RAF1: variants seen among roughly 807,000 people sequenced by gnomAD.
RAF1 encodes RAF proto-oncogene serine/threonine-protein kinase.
A neutral mutation model predicts 81.1 loss-of-function variants in RAF1; 27 were observed. That is an observed-to-expected ratio of 0.33 (90% confidence interval 0.25 to 0.46). The LOEUF (loss-of-function observed/expected upper bound fraction) is 0.46, where lower values mean the gene tolerates loss of function less well. Ranked by LOEUF, RAF1 falls within the 20% of genes least tolerant of loss-of-function variation. The probability of loss-of-function intolerance (pLI) is 1.00; values close to 1 mark genes in which losing one functional copy is unlikely to be tolerated. For synonymous variants in RAF1, 298 were observed against 294.0 expected (o/e 1.01, Z -0.14); for missense variants, 598 against 826.0 (o/e 0.72, Z 3.38).
At chr3:12,660,939 G>A (rs958199537) in intron 1 of RAF1, among the ~76,000 whole-genome samples, 1 of 152,008 alleles carries the variant, frequency 6.6e-6, no homozygotes, top group Admixed American at 6.6e-5. Context: ...GCACCACTGC[G>A]CTAAAAAAAC....
intron 1 of RAF1, among the ~76,000 whole-genome samples, chr3:12,625,696 A>G (rs888100569): frequency 1.4e-5 from 2 of 143,138 alleles, no homozygotes; most frequent in Non-Finnish European, 3.1e-5. Flanking sequence ...TCTAAGTGAA[A>G]GAATATTTAC....
At chr3:12,619,339 G>A (rs138936176) in intron 1 of RAF1, among the ~76,000 whole-genome samples, 7 of 152,078 alleles carry the variant, frequency 4.6e-5, no homozygotes, top group African/African-American at 1.7e-4. Context: ...CGAGGCCAGC[G>A]CATCACTTGA....
chr3:12,654,978 C>T (rs1013867572), intron 1 of RAF1, among the ~76,000 whole-genome samples: 2 of 146,132 alleles, frequency 1.4e-5, no homozygotes, highest in Non-Finnish European at 3.0e-5. Context: ...GAGTTCGAGA[C>T]CAACCTGGTA....
chr3:12,604,199 C>G lies in RAF1; in HGVS notation c.771G>C (p.Ser257=), dbSNP rs764065991. 6.2e-7 allele frequency: 1 copy of G among 1,614,134 alleles called. No homozygotes were observed. The highest frequency in any genetic ancestry group is 8.5e-7 in the Non-Finnish European group (1 of 1,180,030). The change falls in exon 7 of 18, where the codon TCG becomes TCC. Residue 257 remains serine, a synonymous_variant. Transcript: ENST00000442415. ...CCATGTGGACATTAGGTGTGGATGT[C>G]GACCTCTGCCTCTGGGAGAGGGAAC...
At chr3:12,657,529 T>C (rs998791411) in intron 1 of RAF1, among the ~76,000 whole-genome samples, 3 of 152,098 alleles carry the variant, frequency 2.0e-5, no homozygotes, top group Non-Finnish European at 2.9e-5. Flanking sequence ...CCCAGCACTT[T>C]GGGAGGCCGA....
chr3:12,644,391 C>T (rs1048485810), intron 1 of RAF1, among the ~76,000 whole-genome samples: 1 of 152,110 alleles, frequency 6.6e-6, no homozygotes, highest in African/African-American at 2.4e-5. Context: ...ATTGTACTGC[C>T]GCCAACTACT....
At position 12,641,980 on chromosome 3, in the gene RAF1, T is replaced by TA. The variant is rs530729367; in HGVS notation, c.-27+21832dup. Among the ~76,000 whole-genome samples the TA allele has an allele frequency of 7.0e-3, 1,066 of 151,838 alleles. 7 individuals are homozygous for TA. The highest frequency in any genetic ancestry group is 0.012 in the Admixed American group (179 of 15,238). On this transcript the variant is annotated intron_variant, in intron 1 of 17. Coordinates refer to ENST00000442415, the MANE Select transcript of RAF1 (RefSeq NM_001354689.3). ...GGCCAACATGGTGAAACCCTGTCTC[T>TA]ACTAAAAACACAAAAAAATTAGCTG...
intron 1 of RAF1, among the ~76,000 whole-genome samples, chr3:12,648,081 A>G (rs2060409836): frequency 6.6e-6 from 1 of 152,184 alleles, no homozygotes; most frequent in South Asian, 2.1e-4. Flanking sequence ...TTTAAATCAC[A>G]TTGTCTGGAC....
rs1006876708 is a variant in RAF1 at position 12,606,097 on chromosome 3, TAG to T, written c.680+102_680+103del. ...ACAGAAGCAGCAAGGGGTTTCCACG[TAG>T]AGAGGAGGGAATGCGAAGAAACTCT... On this transcript the variant is annotated intron_variant, in intron 6 of 17. Coordinates refer to ENST00000442415, the MANE Select transcript of RAF1 (RefSeq NM_001354689.3). 76 of 810,408 alleles carry T rather than the reference TAG, an allele frequency of 9.4e-5. No individual in the cohort carries two copies. The African/African-American group carries it at 1.1e-3, about 12-fold the overall frequency. The allele number at this position is 810,408 out of a possible 1,614,324, so 50.2% of individuals were successfully genotyped here.
chr3:12,639,985 T>G (rs540994128), intron 1 of RAF1, among the ~76,000 whole-genome samples: 3 of 152,258 alleles, frequency 2.0e-5, no homozygotes, highest in Admixed American at 6.5e-5. Flanking sequence ...AAGGCTACAG[T>G]AACCAAAACA....
intron 12 of RAF1, among the ~76,000 whole-genome samples, chr3:12,591,289 A>G (rs2058507822): frequency 6.6e-6 from 1 of 152,174 alleles, no homozygotes; most frequent in Non-Finnish European, 1.5e-5. Context: ...AGTCTCCATT[A>G]TATGACTTAT....
At chr3:12,599,661 C>A (rs1353327034) in intron 11 of RAF1, 30 bp downstream of exon 10, 3 of 1,559,878 alleles carry the variant, frequency 1.9e-6, no homozygotes, top group Non-Finnish European at 2.7e-6. Context: ...CAAAGCCCTG[C>A]AGTTAGTAAA....
chr3:12,643,186 A>G (rs747201075), intron 1 of RAF1, among the ~76,000 whole-genome samples: 2 of 152,020 alleles, frequency 1.3e-5, no homozygotes, highest in Non-Finnish European at 2.9e-5. Flanking sequence ...CTACCACTCA[A>G]CCCCCAGGCT....
At chr3:12,608,497 G>T in intron 5 of RAF1, 1 of 492,944 alleles carries the variant, frequency 2.0e-6, no homozygotes, top group Non-Finnish European at 3.7e-6. Context: ...ATATCCTTTT[G>T]CTCCTTTCCT....
chr3:12,606,526 G>C (rs551859169), intron 5 of RAF1, among the ~76,000 whole-genome samples: 2 of 151,938 alleles, frequency 1.3e-5, no homozygotes, highest in Non-Finnish European at 2.9e-5. Flanking sequence ...AAACATACAG[G>C]CTCCTGTGTG....
At chr3:12,608,553 C>G in intron 5 of RAF1, 1 of 589,602 alleles carries the variant, frequency 1.7e-6, no homozygotes, top group South Asian at 2.0e-5. Context: ...TGACAGATAA[C>G]AAGTCCTACT....
At chr3:12,599,574 G>T in intron 11 of RAF1, 117 bp downstream of exon 10, 1 of 769,424 alleles carries the variant, frequency 1.3e-6, no homozygotes. Context: ...GTATGTAAGG[G>T]AGAGTACTGC....
chr3:12,659,672 G>T (rs2125589851), intron 1 of RAF1, among the ~76,000 whole-genome samples: 1 of 152,070 alleles, frequency 6.6e-6, no homozygotes, highest in East Asian at 1.9e-4. Flanking sequence ...TTGAAGAAAT[G>T]ACTCCCAAGA....
intron 16 of RAF1, 33 bp downstream of exon 15, chr3:12,585,089 G>C (rs765872629): frequency 1.9e-6 from 3 of 1,613,984 alleles, no homozygotes; most frequent in Non-Finnish European, 2.5e-6. Flanking sequence ...GGGCTCCCAC[G>C]AGTTGGGTCC....
Sources: allele counts gnomAD v4.1 joint callset (sites outside exome capture counted in the v4.1 genomes callset), GRCh38; gene constraint gnomAD v4.1.1; transcripts MANE v1.5; gene names NCBI Gene and HGNC (gene_info 2026-07-23, HGNC 2026-07-21).